The following TCEA3 variants were observed in gnomAD, a reference collection of about 807,000 sequenced individuals.
TCEA3 encodes transcription elongation factor A protein 3.
In TCEA3, 36 loss-of-function variants were observed where a neutral mutation model predicts 44.0. The ratio of observed to expected loss-of-function variants is 0.82; its 90% CI spans 0.63 to 1.08. TCEA3 has a LOEUF of 1.08. Ranked by LOEUF, TCEA3 falls within the 50% of genes least tolerant of loss-of-function variation. TCEA3 has a pLI of 0.00. For missense variants in TCEA3, 392 were observed against 441.2 expected, an observed-to-expected ratio of 0.89 and a Z score of 1.00; for synonymous variants, 162 against 159.7, an observed-to-expected ratio of 1.01 and a Z score of -0.11.
chr1:23,396,304 G>T (rs1166181537), intron 7 of TCEA3, among the ~76,000 whole-genome samples: 1 of 152,118 alleles, frequency 6.6e-6, no homozygotes, highest in Admixed American at 6.6e-5. Flanking sequence ...CCTGTCCCCT[G>T]ACTGTCTCCC....
chr1:23,418,689 T>C (rs980176602), intron 2 of TCEA3, among the ~76,000 whole-genome samples: 10 of 152,054 alleles, frequency 6.6e-5, no homozygotes, highest in Admixed American at 5.2e-4. Context: ...TCTGTGCTGA[T>C]TTTTCAGGGC....
At chr1:23,387,481 G>A (rs1036484120) in intron 8 of TCEA3, 62 bp from the exon 9 acceptor site, 31 of 1,498,892 alleles carry the variant, frequency 2.1e-5, no homozygotes, top group South Asian at 7.8e-5. Flanking sequence ...CCCTACACCC[G>A]GTTTCTAGAA....
Position 23,397,579 on chromosome 1 carries a change from G to T in TCEA3, c.630C>A (p.Val210=). The T allele has an allele frequency of 6.2e-7, 1 of 1,613,830 alleles. No individual in the cohort carries two copies. Among genetic ancestry groups the T allele is most frequent in the South Asian group, 1.1e-5 (1 of 91,064 alleles). Reference sequence around the variant, plus strand: ...TTTCTGATGCCATCTTGTCACAGTTGACTCCATAGTCCTTGTAATCATCTA... The same window carrying T: ...TTTCTGATGCCATCTTGTCACAGTTTACTCCATAGTCCTTGTAATCATCTA... ...KADDDYKDYG[V]NCDKMASEIE... is the part of the protein sequence containing the mutation. The change falls in exon 7 of 11, where the codon GTC becomes GTA. Residue 210 remains valine, a synonymous_variant. Coordinates refer to ENST00000450454, the MANE Select transcript of TCEA3 (RefSeq NM_003196.3).
chr1:23,384,286 GC>G, intron 10 of TCEA3, 59 bp downstream of exon 10: 1 of 1,612,800 alleles, frequency 6.2e-7, no homozygotes, highest in Non-Finnish European at 8.5e-7. Context: ...GGTACACTAC[GC>G]CTTATGCGGG....
chr1:23,391,485 T>G (rs1223571249), intron 8 of TCEA3, among the ~76,000 whole-genome samples: 1 of 151,970 alleles, frequency 6.6e-6, no homozygotes, highest in African/African-American at 2.4e-5. Flanking sequence ...GTGCAGGGGA[T>G]TAGTGCTCCT....
rs1638745864 is a variant in TCEA3 at position 23,383,935 on chromosome 1, C to A, written c.1038+411G>T. On this transcript the variant is annotated intron_variant, in intron 10 of 10. Coordinates refer to ENST00000450454, the MANE Select transcript of TCEA3 (RefSeq NM_003196.3). ...TCAACTCCTTTCTGACAGGGCTCAG[C>A]CTTCCTGTTTCCCATCCTTGGCTGT... 7 of 1,030,260 alleles carry A rather than the reference C, an allele frequency of 6.8e-6. No individual in the cohort carries two copies. In the South Asian group the frequency reaches 2.2e-4, roughly 32 times the overall value. The allele number at this position is 1,030,260 out of a possible 1,614,324, so 63.8% of individuals were successfully genotyped here.
chr1:23,424,522 C>A, intron 1 of TCEA3, 43 bp downstream of exon 1: 2 of 1,561,878 alleles, frequency 1.3e-6, no homozygotes, highest in Admixed American at 1.7e-5. Context: ...CTTGCCCGCG[C>A]CTCCCGGGGG....
At chr1:23,418,470 C>T (rs545875733) in intron 2 of TCEA3, among the ~76,000 whole-genome samples, 18 of 152,270 alleles carry the variant, frequency 1.2e-4, no homozygotes, top group African/African-American at 3.9e-4. Flanking sequence ...CATCATCGTG[C>T]CCAGCTAATT....
rs186766741 is a variant in TCEA3 at position 23,420,308 on chromosome 1, C to T, written c.70-1169G>A. On this transcript the variant is annotated intron_variant, in intron 1 of 10. Coordinates refer to ENST00000450454, the MANE Select transcript of TCEA3 (RefSeq NM_003196.3). ...CCAGGCTGGAGCGCAGTGGCACAAT[C>T]ACAGTTCACTGCAGCTTCGACTTTC... is the stretch of plus-strand genomic sequence containing the variant. 5.9e-5 allele frequency among the ~76,000 whole-genome samples: 9 copies of T among 152,344 alleles called. No homozygotes were observed. The East Asian group carries it at 1.7e-3, about 29-fold the overall frequency.
chr1:23,402,953 C>T (rs932920604), intron 5 of TCEA3, among the ~76,000 whole-genome samples: 2 of 152,148 alleles, frequency 1.3e-5, no homozygotes, highest in Admixed American at 6.5e-5. Flanking sequence ...GAGGAAGGTC[C>T]TCTTTGGAAG....
intron 4 of TCEA3, among the ~76,000 whole-genome samples, chr1:23,413,058 C>A (rs1180053695): frequency 2.0e-5 from 3 of 152,172 alleles, no homozygotes; most frequent in Non-Finnish European, 4.4e-5. Context: ...GTGGGCATAA[C>A]AATTTAGTGT....
chr1:23,400,497 CTG>C (rs1408275138), intron 5 of TCEA3, among the ~76,000 whole-genome samples: 6 of 151,866 alleles, frequency 4.0e-5, no homozygotes, highest in African/African-American at 1.5e-4. Flanking sequence ...GCATGAGCCA[CTG>C]TGCCTGGCAA....
chr1:23,386,169 G>C (rs867609814), intron 9 of TCEA3, among the ~76,000 whole-genome samples: 19 of 152,330 alleles, frequency 1.2e-4, no homozygotes, highest in African/African-American at 4.6e-4. Context: ...AGTGTACCAA[G>C]GCTTGCCCTT....
intron 1 of TCEA3, chr1:23,423,937 C>T (rs1170426529): frequency 6.7e-6 from 3 of 450,810 alleles, no homozygotes; most frequent in Admixed American, 2.4e-5. Flanking sequence ...CCCCGCCCCG[C>T]GGGCCCCCGC....
rs1426596808 is a variant in TCEA3, at chr1:23,387,438, AC to A, written c.820-20del. On this transcript the variant is annotated intron_variant, in intron 8 of 10. Coordinates refer to ENST00000450454, the MANE Select transcript of TCEA3 (RefSeq NM_003196.3). ...CCATTTCCTGGAGAAAAAAGAGTCTACCCTTCAGGGCTGAGGAGTTTCAGGG... is the reference window on the plus strand; with the variant it reads ...CCATTTCCTGGAGAAAAAAGAGTCTACCTTCAGGGCTGAGGAGTTTCAGGG... The A allele has an allele frequency of 1.9e-6, 3 of 1,577,358 alleles. No individual in the cohort carries two copies. The East Asian group carries it at 6.9e-5, about 36-fold the overall frequency.
At chr1:23,417,540 A>G (rs1481812054) in intron 3 of TCEA3, 150 bp from the exon 4 acceptor site, 19 of 1,298,614 alleles carry the variant, frequency 1.5e-5, no homozygotes, top group Admixed American at 2.9e-5. Flanking sequence ...ACACAAATGC[A>G]CAAACAACAG....
rs1639919219 is a variant in TCEA3 at position 23,417,264 on chromosome 1, T to A, written c.365A>T (p.Glu122Val). The A allele has an allele frequency of 1.2e-6, 2 of 1,613,824 alleles. No homozygotes were observed. Among genetic ancestry groups the A allele is most frequent in the Non-Finnish European group, 1.7e-6 (2 of 1,179,854 alleles). Residue 122 changes from glutamate to valine, a missense_variant, in exon 4 of 11, where the codon GAA becomes GTA. Transcript: ENST00000450454. Reference protein sequence around the residue: ...AGLSPPRKKREDPKTRRDSVD... With the variant: ...AGLSPPRKKRVDPKTRRDSVD... ...AAAAGAATACCTGGTTTTGGGGTCTTCTCGTTTTTTCCTTGGTGGAGAAAG... is the reference window on the plus strand; with the variant it reads ...AAAAGAATACCTGGTTTTGGGGTCTACTCGTTTTTTCCTTGGTGGAGAAAG...
At chr1:23,404,694 C>T (rs1479615077) in intron 5 of TCEA3, among the ~76,000 whole-genome samples, 3 of 152,102 alleles carry the variant, frequency 2.0e-5, no homozygotes, top group Non-Finnish European at 4.4e-5. Context: ...CGCGGTGGCT[C>T]ACACCTGTAA....
intron 4 of TCEA3, among the ~76,000 whole-genome samples, chr1:23,416,500 G>A (rs1639893389): frequency 6.6e-6 from 1 of 151,746 alleles, no homozygotes; most frequent in Non-Finnish European, 1.5e-5. Context: ...GTTTTTGTTT[G>A]TTTGTTTTTG....
Sources: allele counts gnomAD v4.1 joint callset (sites outside exome capture counted in the v4.1 genomes callset), GRCh38; gene constraint gnomAD v4.1.1; transcripts MANE v1.5; gene names NCBI Gene and HGNC (gene_info 2026-07-23, HGNC 2026-07-21).